SYNPR: variants seen among roughly 807,000 people sequenced by gnomAD.
SYNPR encodes the protein synaptoporin.
A neutral mutation model predicts 32.9 loss-of-function variants in SYNPR; 23 were observed. The ratio of observed to expected loss-of-function variants is 0.70; its 90% CI spans 0.50 to 0.99. The LOEUF (loss-of-function observed/expected upper bound fraction) is 0.99. SYNPR is among the 50% of genes least tolerant of loss of function. SYNPR has a pLI of 0.00. For synonymous variants in SYNPR, 146 were observed against 135.9 expected, an observed-to-expected ratio of 1.07 and a Z score of -0.52; for missense variants, 318 against 349.3, an observed-to-expected ratio of 0.91 and a Z score of 0.71.
At chr3:63,609,009 G>T in intron 4 of SYNPR, 116 bp from the exon 5 acceptor site, 1 of 875,040 alleles carries the variant, frequency 1.1e-6, no homozygotes, top group Non-Finnish European at 1.7e-6. Flanking sequence ...TGTTTCCAGT[G>T]CTATGGGATC....
Position 63,494,404 on chromosome 3 carries a change from T to TATATACACAC in SYNPR, c.209+13453_209+13454insCACACATATA, listed in dbSNP as rs1553641129. On this transcript the variant is annotated intron_variant, in intron 3 of 5. Transcript: ENST00000478300. ...GGATATGTTAATTCTTATATATATA[T>TATATACACAC]ATATATATATATACGTATATATATA... 4.9e-3 allele frequency among the ~76,000 whole-genome samples: 498 copies of TATATACACAC among 102,502 alleles called. 5 individuals carry two copies. The highest frequency in any genetic ancestry group is 7.8e-3 in the Non-Finnish European group (388 of 49,992). The allele number at this position is 102,502 out of a possible 152,430, so 67.2% of individuals were successfully genotyped here.
At chr3:63,320,944 T>C (rs1365865684) in intron 2 of SYNPR, among the ~76,000 whole-genome samples, 3 of 152,056 alleles carry the variant, frequency 2.0e-5, no homozygotes, top group Admixed American at 6.6e-5. Flanking sequence ...CTGCCTTTGA[T>C]TATGTCAATC....
chr3:63,403,752 C>G (rs1460144425), intron 2 of SYNPR, among the ~76,000 whole-genome samples: 1 of 152,044 alleles, frequency 6.6e-6, no homozygotes, highest in Non-Finnish European at 1.5e-5. Flanking sequence ...GATGGGGGAG[C>G]TGGAAGGAGA....
intron 3 of SYNPR, among the ~76,000 whole-genome samples, chr3:63,554,186 T>C (rs1702556259): frequency 6.6e-6 from 1 of 152,240 alleles, no homozygotes; most frequent in Non-Finnish European, 1.5e-5. Flanking sequence ...GGTCTTTTCA[T>C]AGTTTATTTT....
At chr3:63,347,897 G>C (rs1175607539) in intron 2 of SYNPR, among the ~76,000 whole-genome samples, 1 of 151,434 alleles carries the variant, frequency 6.6e-6, no homozygotes, top group Non-Finnish European at 1.5e-5. Flanking sequence ...GTGTGTGTGT[G>C]TGTGTGTGTG....
the SYNPR span, among the ~76,000 whole-genome samples, chr3:63,218,882 A>C: frequency 1.3e-5 from 2 of 152,318 alleles, no homozygotes; most frequent in South Asian, 4.1e-4. Flanking sequence ...AAACAACTCT[A>C]ACCTGACTCC....
At chr3:63,288,815 C>T (rs1044847560) in intron 2 of SYNPR, among the ~76,000 whole-genome samples, 3 of 152,034 alleles carry the variant, frequency 2.0e-5, no homozygotes, top group Admixed American at 6.6e-5. Flanking sequence ...ATTGGATTGC[C>T]TTGTGTGATA....
chr3:63,234,684 C>G (rs1308850105), intron 1 of SYNPR, among the ~76,000 whole-genome samples: 1 of 152,076 alleles, frequency 6.6e-6, no homozygotes, highest in Admixed American at 6.6e-5. Context: ...ATGTATTTTT[C>G]AATATCTATT....
intron 2 of SYNPR, among the ~76,000 whole-genome samples, chr3:63,473,092 G>T (rs1210672386): frequency 2.0e-5 from 3 of 152,122 alleles, no homozygotes; most frequent in African/African-American, 7.2e-5. Flanking sequence ...CAAATGCACA[G>T]CCCAAATGTG....
the SYNPR span, among the ~76,000 whole-genome samples, chr3:63,201,266 T>C: frequency 6.6e-6 from 1 of 152,186 alleles, no homozygotes; most frequent in Non-Finnish European, 1.5e-5. Context: ...TTGAAGTGTC[T>C]GCAAGATGTG....
chr3:63,243,005 T>A (rs1429463269), intron 1 of SYNPR, among the ~76,000 whole-genome samples: 3 of 151,896 alleles, frequency 2.0e-5, no homozygotes, highest in Non-Finnish European at 4.4e-5. Context: ...CATATTAGAA[T>A]ATAGATCCAA....
chr3:63,436,124 C>T (rs995476221), intron 2 of SYNPR, among the ~76,000 whole-genome samples: 6 of 151,832 alleles, frequency 4.0e-5, no homozygotes, highest in Non-Finnish European at 4.4e-5. Context: ...AGAAGATTAA[C>T]AACTTTCTCA....
the SYNPR span, among the ~76,000 whole-genome samples, chr3:63,200,954 G>A: frequency 6.6e-6 from 1 of 152,110 alleles, no homozygotes; most frequent in African/African-American, 2.4e-5. Context: ...AGCTTCGTGG[G>A]GAGAGGTAAA....
intron 2 of SYNPR, among the ~76,000 whole-genome samples, chr3:63,379,750 C>T (rs1208657791): frequency 6.6e-6 from 1 of 151,920 alleles, no homozygotes; most frequent in African/African-American, 2.4e-5. Flanking sequence ...AGGTTTGTTA[C>T]ATATGTATAC....
intron 4 of SYNPR, among the ~76,000 whole-genome samples, chr3:63,566,749 G>A (rs73118766): frequency 0.15 from 22,393 of 152,116 alleles, 2,169 homozygotes; most frequent in South Asian, 0.34. Context: ...TCTATCAAAT[G>A]AAGAGACTAA....
chr3:63,547,384 G>A (rs566732077), intron 3 of SYNPR, among the ~76,000 whole-genome samples: 34 of 152,078 alleles, frequency 2.2e-4, no homozygotes, highest in Admixed American at 1.4e-3. Flanking sequence ...TCCCTACTTC[G>A]AATTTGTCTG....
chr3:63,272,138 T>C (rs2086541966), intron 3 of SYNPR, among the ~76,000 whole-genome samples: 2 of 152,348 alleles, frequency 1.3e-5, no homozygotes, highest in South Asian at 4.1e-4. Flanking sequence ...TCATATTTCT[T>C]AGACTTTTAG....
At chr3:63,485,367 CAG>C (rs970224665) in intron 3 of SYNPR, among the ~76,000 whole-genome samples, 2 of 151,884 alleles carry the variant, frequency 1.3e-5, no homozygotes, top group African/African-American at 4.8e-5. Context: ...TAAATAAAAA[CAG>C]AAATAAAATA....
At chr3:63,221,462 G>C in the SYNPR span, among the ~76,000 whole-genome samples, 2 of 152,138 alleles carry the variant, frequency 1.3e-5, no homozygotes, top group African/African-American at 4.8e-5. Context: ...TGAGGATAAA[G>C]TGCAAGAGTG....
Sources: allele counts gnomAD v4.1 joint callset (sites outside exome capture counted in the v4.1 genomes callset), GRCh38; gene constraint gnomAD v4.1.1; transcripts MANE v1.5; gene names NCBI Gene and HGNC (gene_info 2026-07-23, HGNC 2026-07-21).